The following BCL2L13 variants were observed in gnomAD, a reference collection of about 807,000 sequenced individuals.
The protein encoded by BCL2L13 is BCL2 like 13.
A neutral mutation model predicts 25.8 loss-of-function variants in BCL2L13; 13 were observed. That is an observed-to-expected ratio of 0.50 (90% CI 0.33 to 0.80). BCL2L13 has a LOEUF of 0.80. Ranked by LOEUF, BCL2L13 falls within the 30% of genes least tolerant of loss-of-function variation. The pLI, the probability that BCL2L13 is intolerant of heterozygous loss-of-function variation, is 0.02. For missense variants in BCL2L13, 504 were observed against 574.9 expected (o/e 0.88, Z 1.26); for synonymous variants, 244 against 230.3 (o/e 1.06, Z -0.54).
At position 17,665,375 on chromosome 22, in the gene BCL2L13, G is replaced by A. The variant is rs1175925480; in HGVS notation, c.121+9543G>A. ...GTCAAAACCATTCAATAAGTCTCTAGGAAGTTCCAGACTCTCCCACATTTT... is the reference window on the plus strand; with the variant it reads ...GTCAAAACCATTCAATAAGTCTCTAAGAAGTTCCAGACTCTCCCACATTTT... On this transcript the variant is annotated intron_variant, in intron 2 of 6. Transcript: ENST00000317582. 2.0e-5 allele frequency among the ~76,000 whole-genome samples: 3 copies of A among 152,250 alleles called. No homozygotes were observed. The East Asian group carries it at 5.8e-4, about 29-fold the overall frequency.
intron 1 of BCL2L13, among the ~76,000 whole-genome samples, chr22:17,631,210 C>T (rs2058006941): frequency 6.6e-6 from 1 of 151,692 alleles, no homozygotes. Flanking sequence ...GATTTTCCTG[C>T]CTCAGCCTCT....
chr22:17,653,495 ATT>A (rs34652783), intron 1 of BCL2L13, among the ~76,000 whole-genome samples: 15,886 of 110,316 alleles, frequency 0.14, 832 homozygotes, highest in Non-Finnish European at 0.2. Context: ...CTCCAGTATG[ATT>A]TTTTTTTTTT....
chr22:17,685,607 A>T (rs1384638359), intron 3 of BCL2L13, among the ~76,000 whole-genome samples: 1 of 151,814 alleles, frequency 6.6e-6, no homozygotes, highest in Non-Finnish European at 1.5e-5. Context: ...ATAATATTCC[A>T]CTGTGTGGAT....
intron 2 of BCL2L13, among the ~76,000 whole-genome samples, chr22:17,657,818 C>T (rs1226659415): frequency 1.5e-5 from 1 of 66,094 alleles, no homozygotes; most frequent in Non-Finnish European, 2.9e-5. Context: ...ACCTGGTTGA[C>T]ATTTCTTTTT....
Position 17,650,215 on chromosome 22 carries a change from A to G in BCL2L13, c.-50-5447A>G, listed in dbSNP as rs367614776. On this transcript the variant is annotated intron_variant, in intron 1 of 6. Transcript: ENST00000317582. ...TTCTTGACATGTTACTACGTTTGAC[A>G]CAGTTGTTCACTGCCTTCTTATTGA... Among the ~76,000 whole-genome samples, 815 of 152,252 alleles carry G rather than the reference A, an allele frequency of 5.4e-3. 15 individuals are homozygous for G. The highest frequency in any genetic ancestry group is 0.022 in the South Asian group (105 of 4,832).
At chr22:17,712,102 A>C (rs2145764599) in intron 6 of BCL2L13, among the ~76,000 whole-genome samples, 1 of 152,212 alleles carries the variant, frequency 6.6e-6, no homozygotes, top group African/African-American at 2.4e-5. Context: ...CTTGTAGTGA[A>C]GTAACTGATG....
At chr22:17,692,447 G>A (rs1273678787) in intron 4 of BCL2L13, 1 of 152,362 alleles carries the variant, frequency 6.6e-6, no homozygotes, top group East Asian at 1.9e-4. Context: ...GAAAGGAAGT[G>A]AGGGGACTGA....
chr22:17,701,747 G>A (rs1022879268), intron 5 of BCL2L13, among the ~76,000 whole-genome samples: 1 of 151,986 alleles, frequency 6.6e-6, no homozygotes, highest in Non-Finnish European at 1.5e-5. Context: ...CCAACATGGT[G>A]AAACCCCGTC....
In BCL2L13 at chr22:17,727,604, A is replaced by G; in HGVS notation, c.*70A>G. 1.3e-6 allele frequency: 2 copies of G among 1,575,124 alleles called. No homozygotes were observed. Among genetic ancestry groups the G allele is most frequent in the Non-Finnish European group, 1.7e-6 (2 of 1,159,930 alleles). On this transcript the variant is annotated 3_prime_UTR_variant, in exon 7 of 7. Coordinates refer to ENST00000317582, the MANE Select transcript of BCL2L13 (RefSeq NM_015367.4). Reference sequence around the variant, plus strand: ...TGTATTGGCTGGAATTTGAACCTCCAGCAGCTGTCTGGACATTTGTGGAAC... The same window carrying G: ...TGTATTGGCTGGAATTTGAACCTCCGGCAGCTGTCTGGACATTTGTGGAAC...
intron 2 of BCL2L13, among the ~76,000 whole-genome samples, chr22:17,672,046 G>A (rs2059435006): frequency 6.6e-6 from 1 of 152,148 alleles, no homozygotes; most frequent in Admixed American, 6.6e-5. Flanking sequence ...GGTCCAGTAA[G>A]GTATATTTTG....
chr22:17,649,192 G>A (rs755403731), intron 1 of BCL2L13, among the ~76,000 whole-genome samples: 2 of 152,028 alleles, frequency 1.3e-5, no homozygotes, highest in Non-Finnish European at 2.9e-5. Context: ...CTGCCTCCCA[G>A]GCTCAATCAA....
At chr22:17,726,417 C>G (rs1263840808) in intron 6 of BCL2L13, among the ~76,000 whole-genome samples, 2 of 150,710 alleles carry the variant, frequency 1.3e-5, no homozygotes, top group African/African-American at 2.4e-5. Flanking sequence ...GATTAGGATG[C>G]TCTCAGCCTG....
At chr22:17,707,526 C>T (rs1344862440) in intron 6 of BCL2L13, among the ~76,000 whole-genome samples, 1 of 152,092 alleles carries the variant, frequency 6.6e-6, no homozygotes, top group Admixed American at 6.6e-5. Context: ...ATGGATACTC[C>T]CAACAATACA....
intron 6 of BCL2L13, among the ~76,000 whole-genome samples, chr22:17,721,566 C>G (rs1287093338): frequency 6.7e-6 from 1 of 148,654 alleles, no homozygotes; most frequent in Non-Finnish European, 1.5e-5. Flanking sequence ...TTAATGCCAC[C>G]CAGGCTGGAG....
chr22:17,668,704 A>G (rs2059317162), intron 2 of BCL2L13, among the ~76,000 whole-genome samples: 1 of 152,058 alleles, frequency 6.6e-6, no homozygotes, highest in East Asian at 1.9e-4. Flanking sequence ...TGACCTCGTG[A>G]TCCACCTGCC....
chr22:17,718,604 C>T lies in BCL2L13; in HGVS notation c.601-8073C>T, dbSNP rs534055693. On this transcript the variant is annotated intron_variant, in intron 6 of 6. Transcript: ENST00000317582. Reference sequence around the variant, plus strand: ...TGAGAGTTTGAAAGAGATGAAATCCCGTAAGATTATAGCAGTGACAGTCTG... The same window carrying T: ...TGAGAGTTTGAAAGAGATGAAATCCTGTAAGATTATAGCAGTGACAGTCTG... 5.9e-5 allele frequency among the ~76,000 whole-genome samples: 9 copies of T among 152,174 alleles called. No homozygotes were observed. The South Asian group carries it at 1.0e-3, about 17-fold the overall frequency.
chr22:17,715,504 A>T (rs1050225958), intron 6 of BCL2L13, among the ~76,000 whole-genome samples: 4 of 152,018 alleles, frequency 2.6e-5, no homozygotes, highest in Admixed American at 6.6e-5. Flanking sequence ...ACTATACATA[A>T]CATTATATTA....
At position 17,683,290 on chromosome 22, in the gene BCL2L13, G is replaced by T. The variant is rs771282615; in HGVS notation, c.198G>T (p.Glu66Asp). ...LLKVKTEIEE[E>D]LKSLDKEISE... Reference sequence around the variant, plus strand: ...AAGTTAAAACTGAAATTGAAGAAGAGCTAAAATCTCTGGACAAAGAAATTT... The same window carrying T: ...AAGTTAAAACTGAAATTGAAGAAGATCTAAAATCTCTGGACAAAGAAATTT... The change falls in exon 3 of 7, where the codon GAG (glutamate) becomes GAT (aspartate). Residue 66 changes from glutamate (E) to aspartate (D), a missense_variant. Transcript: ENST00000317582. The T allele has an allele frequency of 1.8e-5, 28 of 1,586,030 alleles. No homozygotes were observed. The highest frequency in any genetic ancestry group is 8.8e-5 in the Admixed American group (5 of 56,640).
At chr22:17,671,778 A>G (rs1028315832) in intron 2 of BCL2L13, among the ~76,000 whole-genome samples, 1 of 152,050 alleles carries the variant, frequency 6.6e-6, no homozygotes. Flanking sequence ...CAGTGGTGCA[A>G]TCTCTGCTCA....
Sources: allele counts gnomAD v4.1 joint callset (sites outside exome capture counted in the v4.1 genomes callset), GRCh38; gene constraint gnomAD v4.1.1; transcripts MANE v1.5; gene names NCBI Gene and HGNC (gene_info 2026-07-23, HGNC 2026-07-21).